ARK2C: variants seen among roughly 807,000 people sequenced by gnomAD.
ARK2C encodes the protein arkadia (RNF111) C-terminal like ring finger ubiquitin ligase 2C, also known as E3 ubiquitin-protein ligase ARK2C.
the ARK2C span, among the ~76,000 whole-genome samples, chr18:46,442,171 A>AG: frequency 2.0e-5 from 3 of 151,808 alleles, no homozygotes; most frequent in Admixed American, 6.5e-5. Flanking sequence ...TCAAAAAAAA[A>AG]AAAAAGAAAA....
At chr18:46,450,959 G>C in the ARK2C span, among the ~76,000 whole-genome samples, 3 of 152,114 alleles carry the variant, frequency 2.0e-5, no homozygotes, top group Admixed American at 6.5e-5. Flanking sequence ...CCAGGGTCAT[G>C]TTACTTTTCT....
chr18:46,411,917 G>A, the ARK2C span, among the ~76,000 whole-genome samples: 3 of 152,242 alleles, frequency 2.0e-5, no homozygotes, highest in Non-Finnish European at 4.4e-5. Flanking sequence ...AAGGGCAGGG[G>A]CACCATGGAG....
At chr18:46,364,110 G>A in the ARK2C span, among the ~76,000 whole-genome samples, 88 of 151,688 alleles carry the variant, frequency 5.8e-4, no homozygotes, top group Middle Eastern at 6.8e-3. Context: ...ACCATGTCCG[G>A]CTAATTTTTG....
the ARK2C span, chr18:46,335,734 T>G: frequency 4.6e-6 from 1 of 219,480 alleles, no homozygotes; most frequent in Admixed American, 6.5e-5. Context: ...AGCCCTATTT[T>G]ATCCAGCCCA....
At chr18:46,352,268 C>A in the ARK2C span, among the ~76,000 whole-genome samples, 1 of 127,446 alleles carries the variant, frequency 7.8e-6, no homozygotes. Flanking sequence ...CCAGTATGGA[C>A]TCCATCAGAC....
the ARK2C span, among the ~76,000 whole-genome samples, chr18:46,388,553 G>A: frequency 5.9e-5 from 9 of 152,210 alleles, no homozygotes; most frequent in East Asian, 1.9e-4. Context: ...GATCAAGGGC[G>A]CAGGAAGCAC....
chr18:46,383,391 T>C, the ARK2C span, among the ~76,000 whole-genome samples: 2 of 152,188 alleles, frequency 1.3e-5, no homozygotes, highest in Non-Finnish European at 2.9e-5. Flanking sequence ...AAAATACGTA[T>C]ATATAAAATA....
the ARK2C span, among the ~76,000 whole-genome samples, chr18:46,428,430 C>T: frequency 6.6e-6 from 1 of 151,906 alleles, no homozygotes; most frequent in Admixed American, 6.5e-5. Context: ...AAAACAAAAA[C>T]AAAAACAAAC....
chr18:46,381,745 C>T, the ARK2C span, among the ~76,000 whole-genome samples: 4 of 152,080 alleles, frequency 2.6e-5, no homozygotes, highest in East Asian at 5.8e-4. Flanking sequence ...GTGGGAGGAT[C>T]GCTTGAGCCC....
At chr18:46,383,617 C>G in the ARK2C span, among the ~76,000 whole-genome samples, 1 of 136,656 alleles carries the variant, frequency 7.3e-6, no homozygotes, top group Non-Finnish European at 1.5e-5. Flanking sequence ...TACAGTGGTG[C>G]GATCTCAGCT....
At chr18:46,387,395 G>A in the ARK2C span, among the ~76,000 whole-genome samples, 1 of 152,238 alleles carries the variant, frequency 6.6e-6, no homozygotes, top group Non-Finnish European at 1.5e-5. Context: ...CCTTTGGACA[G>A]TGCAGGCCTT....
At chr18:46,396,505 A>G in the ARK2C span, among the ~76,000 whole-genome samples, 1 of 152,196 alleles carries the variant, frequency 6.6e-6, no homozygotes, top group African/African-American at 2.4e-5. Context: ...CTGAGTCCCA[A>G]GACCTAGCAG....
At chr18:46,408,753 A>G in the ARK2C span, among the ~76,000 whole-genome samples, 1 of 152,214 alleles carries the variant, frequency 6.6e-6, no homozygotes, top group Non-Finnish European at 1.5e-5. Context: ...TTGCTGTCAG[A>G]TCAGTTTGTC....
the ARK2C span, chr18:46,455,822 A>G: frequency 1.7e-6 from 1 of 584,950 alleles, no homozygotes; most frequent in African/African-American, 1.9e-5. Context: ...GCAACACAGC[A>G]AGAATCAGTC....
At chr18:46,351,400 C>T in the ARK2C span, among the ~76,000 whole-genome samples, 1 of 152,054 alleles carries the variant, frequency 6.6e-6, no homozygotes, top group Non-Finnish European at 1.5e-5. Context: ...GATATCTGAG[C>T]AGAAAAAGAC....
chr18:46,431,130 G>A, the ARK2C span, among the ~76,000 whole-genome samples: 1 of 152,166 alleles, frequency 6.6e-6, no homozygotes, highest in African/African-American at 2.4e-5. Context: ...ACTTATGAGT[G>A]AGAGCATGCG....
chr18:46,362,709 C>A, the ARK2C span, among the ~76,000 whole-genome samples: 2 of 152,262 alleles, frequency 1.3e-5, no homozygotes, highest in African/African-American at 4.8e-5. Context: ...TGCCCTGCGA[C>A]AACCACATCA....
chr18:46,355,411 CCTT>C, the ARK2C span, among the ~76,000 whole-genome samples: 1 of 152,156 alleles, frequency 6.6e-6, no homozygotes, highest in Non-Finnish European at 1.5e-5. Flanking sequence ...TGAGGATTCT[CCTT>C]CTGCCTCATT....
At chr18:46,428,424 C>CA in the ARK2C span, among the ~76,000 whole-genome samples, 1 of 151,824 alleles carries the variant, frequency 6.6e-6, no homozygotes, top group East Asian at 1.9e-4. Flanking sequence ...AAAAGAAAAA[C>CA]AAAAACAAAA....
Sources: gnomAD v4.1 joint callset for allele counts (sites outside exome capture counted in the v4.1 genomes callset) on GRCh38, gnomAD v4.1.1 for gene constraint, MANE v1.5 for transcripts, NCBI Gene and HGNC (gene_info 2026-07-23, HGNC 2026-07-21) for gene names.